The following SLC35F1 variants were observed in gnomAD, a reference collection of about 807,000 sequenced individuals.
The protein encoded by SLC35F1 is chromosome 6 open reading frame 169.
SLC35F1 carries 14 observed loss-of-function variants against 48.7 expected under a neutral mutation model. The observed-to-expected ratio is 0.29, with a 90% CI of 0.19 to 0.45. The LOEUF is 0.45. SLC35F1 is among the 20% of genes least tolerant of loss of function. SLC35F1 has a pLI of 1.00. For synonymous variants in SLC35F1, 190 were observed against 202.2 expected (o/e 0.94, Z 0.51); for missense variants, 404 against 500.0 (o/e 0.81, Z 1.83).
At chr6:118,310,548 C>T (rs1156465166) in intron 7 of SLC35F1, among the ~76,000 whole-genome samples, 1 of 151,822 alleles carries the variant, frequency 6.6e-6, no homozygotes, top group African/African-American at 2.4e-5. Flanking sequence ...TTTCTGTCAA[C>T]ATTTATAACA....
intron 1 of SLC35F1, among the ~76,000 whole-genome samples, chr6:117,955,180 T>A (rs1157900237): frequency 6.6e-6 from 1 of 152,248 alleles, no homozygotes; most frequent in Non-Finnish European, 1.5e-5. Flanking sequence ...TTAATTTGGC[T>A]ATTTTATATT....
At chr6:118,190,833 T>A (rs1484685026) in intron 2 of SLC35F1, among the ~76,000 whole-genome samples, 2 of 152,292 alleles carry the variant, frequency 1.3e-5, no homozygotes, top group Non-Finnish European at 1.5e-5. Context: ...CTAAGCACTC[T>A]TTTTGTTAAT....
In SLC35F1 at chr6:118,302,994, C is replaced by G. The variant is rs192361191; in HGVS notation, c.1003-11034C>G. Among the ~76,000 whole-genome samples the G allele has an allele frequency of 7.7e-3, 993 of 129,686 alleles. 7 individuals are homozygous for G. Among genetic ancestry groups the G allele is most frequent in the African/African-American group, 0.027 (943 of 34,466 alleles). 85.1% of individuals were successfully genotyped at this position (129,686 alleles called of 152,430 possible). ...CAGCTTATTTAGAAAAAAAAAAAAA[C>G]ATTAAACCCATAATATGATTTCTTT... On this transcript the variant is annotated intron_variant, in intron 7 of 7. Transcript: ENST00000360388.
intron 1 of SLC35F1, among the ~76,000 whole-genome samples, chr6:118,041,589 T>C (rs927819093): frequency 6.6e-6 from 1 of 152,142 alleles, no homozygotes; most frequent in Admixed American, 6.6e-5. Flanking sequence ...CAAAATGCAA[T>C]GTTTGGTACA....
At chr6:117,947,388 C>A (rs540897030) in intron 1 of SLC35F1, among the ~76,000 whole-genome samples, 6 of 152,114 alleles carry the variant, frequency 3.9e-5, no homozygotes, top group African/African-American at 7.2e-5. Flanking sequence ...GCCCCGCAAA[C>A]CATTGTAAAG....
intron 1 of SLC35F1, among the ~76,000 whole-genome samples, chr6:118,123,440 T>A (rs201760084): frequency 1.4e-5 from 2 of 145,258 alleles, no homozygotes. Context: ...TTTTTTTTTT[T>A]ACAGAGTTAC....
At position 118,314,203 on chromosome 6, in the gene SLC35F1, C is replaced by A. The variant is rs751657622; in HGVS notation, c.1178C>A (p.Thr393Asn). ...CAGGTGGAACCCTCAGTCACCTACA[C>A]CAGCCTGGGCCAGGAGACCGAAGAG... The part of the protein sequence containing the change: ...TAQVEPSVTY[T>N]SLGQETEEEP... Residue 393 changes from threonine (T) to asparagine (N), a missense_variant, in exon 8 of 8, where the codon ACC becomes AAC. Thr to Asn is a moderately conservative substitution (Grantham distance 65, BLOSUM62 0). Coordinates refer to ENST00000360388, the MANE Select transcript of SLC35F1 (RefSeq NM_001029858.4). 5.6e-6 allele frequency: 9 copies of A among 1,614,088 alleles called. No homozygotes were observed. Among genetic ancestry groups the A allele is most frequent in the South Asian group, 1.1e-5 (1 of 91,084 alleles).
chr6:117,956,452 C>T (rs1231682986), intron 1 of SLC35F1, among the ~76,000 whole-genome samples: 3 of 152,164 alleles, frequency 2.0e-5, no homozygotes, highest in Non-Finnish European at 4.4e-5. Context: ...AGGATTCTGC[C>T]CCTTGCATTG....
chr6:117,923,686 C>CATATGTAT lies in SLC35F1; in HGVS notation c.173+15794_173+15795insTATATGTA, dbSNP rs372593345. ...ATATATACATATATGTACATATATA[C>CATATGTAT]ATATGTACATATACATATATGTACA... On this transcript the variant is annotated intron_variant, in intron 1 of 7. Transcript: ENST00000360388. Among the ~76,000 whole-genome samples the CATATGTAT allele has an allele frequency of 2.0e-3, 132 of 65,308 alleles. 23 individuals are homozygous for CATATGTAT. The highest frequency in any genetic ancestry group is 2.5e-3 in the Admixed American group (14 of 5,652). 42.8% of individuals were successfully genotyped at this position (65,308 alleles called of 152,430 possible).
chr6:117,932,837 G>T (rs1776119352), intron 1 of SLC35F1, among the ~76,000 whole-genome samples: 1 of 152,100 alleles, frequency 6.6e-6, no homozygotes. Flanking sequence ...ACACATATTT[G>T]AGTGGGATTC....
chr6:118,246,585 AT>A (rs1314378340), intron 3 of SLC35F1, among the ~76,000 whole-genome samples: 1 of 152,178 alleles, frequency 6.6e-6, no homozygotes, highest in East Asian at 1.9e-4. Flanking sequence ...GAATCTGACG[AT>A]AAAGCAGGCC....
At chr6:118,260,280 G>T (rs771808530) in intron 3 of SLC35F1, among the ~76,000 whole-genome samples, 12 of 148,998 alleles carry the variant, frequency 8.1e-5, no homozygotes, top group Non-Finnish European at 1.5e-4. Flanking sequence ...ATGGTGAAAA[G>T]GTTCTGAAAT....
In SLC35F1 at chr6:117,969,138, T is replaced by C. The variant is rs140581900; in HGVS notation, c.173+61239T>C. Among the ~76,000 whole-genome samples the C allele has an allele frequency of 3.3e-3, 499 of 152,360 alleles. 2 individuals carry two copies. The highest frequency in any genetic ancestry group is 0.011 in the African/African-American group (475 of 41,598). On this transcript the variant is annotated intron_variant, in intron 1 of 7. Coordinates refer to ENST00000360388, the MANE Select transcript of SLC35F1 (RefSeq NM_001029858.4). Reference sequence around the variant, plus strand: ...GCTCACAGAAACAAACTGAGAGAGATGGTCCTTTCTGAAGTGAGAAAAAGG... The same window carrying C: ...GCTCACAGAAACAAACTGAGAGAGACGGTCCTTTCTGAAGTGAGAAAAAGG...
intron 1 of SLC35F1, among the ~76,000 whole-genome samples, chr6:118,112,962 C>T (rs560141189): frequency 1.6e-4 from 25 of 152,124 alleles, no homozygotes; most frequent in South Asian, 8.3e-4. Flanking sequence ...GTCCCATCTA[C>T]AAGAAACCTA....
chr6:118,237,438 G>C, intron 3 of SLC35F1, among the ~76,000 whole-genome samples: 1 of 152,034 alleles, frequency 6.6e-6, no homozygotes, highest in Non-Finnish European at 1.5e-5. Context: ...ACCCAGGCTG[G>C]AGTGCAGTGG....
intron 2 of SLC35F1, among the ~76,000 whole-genome samples, chr6:118,225,209 C>T (rs755845924): frequency 6.6e-6 from 1 of 152,124 alleles, no homozygotes; most frequent in Non-Finnish European, 1.5e-5. Flanking sequence ...AAGAACAAAG[C>T]TAGAGGCATC....
intron 3 of SLC35F1, among the ~76,000 whole-genome samples, chr6:118,248,888 G>A (rs117154676): frequency 0.011 from 1,646 of 152,298 alleles, 17 homozygotes; most frequent in Non-Finnish European, 0.019. Context: ...GGTATTTGGA[G>A]GTGGAGCCTT....
chr6:118,234,725 A>G (rs1582744135), intron 2 of SLC35F1, among the ~76,000 whole-genome samples: 1 of 152,214 alleles, frequency 6.6e-6, no homozygotes, highest in Non-Finnish European at 1.5e-5. Context: ...GTACATCTAC[A>G]TCCTCTATGA....
intron 1 of SLC35F1, among the ~76,000 whole-genome samples, chr6:118,085,409 C>T (rs1413348704): frequency 6.6e-6 from 1 of 151,508 alleles, no homozygotes; most frequent in East Asian, 1.9e-4. Context: ...TTGCGCAAAG[C>T]CTATGTCAAC....
Sources: allele counts gnomAD v4.1 joint callset (sites outside exome capture counted in the v4.1 genomes callset), GRCh38; gene constraint gnomAD v4.1.1; transcripts MANE v1.5; gene names NCBI Gene and HGNC (gene_info 2026-07-23, HGNC 2026-07-21).